HECTD4: variants seen among roughly 807,000 people sequenced by gnomAD.
HECTD4 encodes HECT domain E3 ubiquitin protein ligase 4, also known as probable E3 ubiquitin-protein ligase HECTD4.
A neutral mutation model predicts 471.5 loss-of-function variants in HECTD4; 114 were observed. The observed-to-expected ratio is 0.24, with a 90% CI of 0.21 to 0.28. HECTD4 has a LOEUF of 0.28. HECTD4 is among the 10% of genes least tolerant of loss of function. The pLI is 1.00. For missense variants in HECTD4, 3,866 were observed against 5,651.5 expected, an observed-to-expected ratio of 0.68 and a Z score of 10.13; for synonymous variants, 2,012 against 2,256.0, an observed-to-expected ratio of 0.89 and a Z score of 3.07.
chr12:112,168,538 G>A (rs1002776310), intron 70 of HECTD4, among the ~76,000 whole-genome samples: 1 of 152,212 alleles, frequency 6.6e-6, no homozygotes, highest in Admixed American at 6.5e-5. Context: ...AGGGAGCTCT[G>A]AGCACAGCTG....
intron 7 of HECTD4, among the ~76,000 whole-genome samples, chr12:112,293,389 A>G (rs1323344276): frequency 6.9e-6 from 1 of 145,878 alleles, no homozygotes; most frequent in Non-Finnish European, 1.5e-5. Context: ...AAAAAAAATT[A>G]GCTGGGCATG....
chr12:112,212,200 T>C (rs954315324), intron 49 of HECTD4, among the ~76,000 whole-genome samples: 1 of 152,192 alleles, frequency 6.6e-6, no homozygotes, highest in Non-Finnish European at 1.5e-5. Flanking sequence ...TTTACTGACA[T>C]TTGAAAGAAC....
rs1352869287 is a variant in HECTD4 at position 112,193,445 on chromosome 12, G to A, written c.8955+24C>T. 2 of 1,589,236 alleles carry A rather than the reference G, an allele frequency of 1.3e-6. No individual in the cohort carries two copies. The highest frequency in any genetic ancestry group is 1.1e-5 in the South Asian group (1 of 87,280). On this transcript the variant is annotated intron_variant, in intron 57 of 75. Coordinates refer to ENST00000682272, the MANE Select transcript of HECTD4 (RefSeq NM_001388303.1). The surrounding 1 kb of genome is among the most constrained non-coding windows in gnomAD (Gnocchi z 5.2). ...AGTTAAAAATGGTAACCACACTGCA[G>A]GAACATGAGCTTTAGACTTCTACCT... is the stretch of plus-strand genomic sequence containing the variant.
At chr12:112,283,579 G>A (rs1473556239) in intron 7 of HECTD4, among the ~76,000 whole-genome samples, 2 of 152,294 alleles carry the variant, frequency 1.3e-5, no homozygotes, top group African/African-American at 2.4e-5. Flanking sequence ...CACAGGCAGC[G>A]CTTACTAATT....
At chr12:112,315,732 T>A (rs574429168) in intron 2 of HECTD4, among the ~76,000 whole-genome samples, 3 of 152,138 alleles carry the variant, frequency 2.0e-5, no homozygotes, top group African/African-American at 7.2e-5. Context: ...TTTGTTTTTT[T>A]AAAAGAGACA....
At chr12:112,296,206 TGC>T (rs2035008705) in intron 7 of HECTD4, among the ~76,000 whole-genome samples, 2 of 137,016 alleles carry the variant, frequency 1.5e-5, no homozygotes, top group South Asian at 5.1e-4. Flanking sequence ...TGGATGTAGG[TGC>T]AGACAGTGGT....
At position 112,162,431 on chromosome 12, in the gene HECTD4, G is replaced by C. The variant is rs1195130722; in HGVS notation, c.13213C>G (p.Leu4405Val). The C allele has an allele frequency of 1.2e-6, 2 of 1,614,064 alleles. No homozygotes were observed. The highest frequency in any genetic ancestry group is 1.7e-6 in the Non-Finnish European group (2 of 1,179,898). ...TCACGGTAGTGAATGGCACAACGAA[G>C]TTTCTCCAGCATGATTTCCAGAGAG... ...YSSLEIMLEK[L>V]RCAIHYREDP... The change falls in exon 76 of 76, where the codon CTT becomes GTT. Residue 4405 changes from leucine (L) to valine (V), a missense_variant. Leu to Val is a conservative substitution (Grantham distance 32). Around this residue, in one of 16 missense-constraint regions of HECTD4, gnomAD observed 715 missense variants for 1,087.6 expected, o/e 0.66. Transcript: ENST00000682272. This position sits in a 1 kb window ranked among gnomAD's most constrained non-coding sequence, Gnocchi z 5.2.
At chr12:112,375,914 C>T (rs1007590008) in intron 1 of HECTD4, among the ~76,000 whole-genome samples, 1 of 105,132 alleles carries the variant, frequency 9.5e-6, no homozygotes, top group African/African-American at 3.5e-5. Context: ...ACTAAAAATA[C>T]AAAAAAAAAA....
intron 60 of HECTD4, among the ~76,000 whole-genome samples, 194 bp downstream of exon 60, chr12:112,190,592 T>C (rs563933762): frequency 6.6e-5 from 10 of 152,320 alleles, no homozygotes; most frequent in Admixed American, 1.3e-4. Flanking sequence ...CAGCAAATCA[T>C]GGATTTGGGA....
rs2033594435 is a variant in HECTD4 at position 112,239,750 on chromosome 12, A to G, written c.5105+131T>C. ...ATAGGAACCTTAAGTGTCTTTCAGG[A>G]GAAAAGTTTTGTATAGCTAGCTCTG... On this transcript the variant is annotated intron_variant, in intron 33 of 75. Coordinates refer to ENST00000682272, the MANE Select transcript of HECTD4 (RefSeq NM_001388303.1). The surrounding 1 kb of genome is among the most constrained non-coding windows in gnomAD (Gnocchi z 4.9). 1 of 745,724 alleles carries G rather than the reference A, an allele frequency of 1.3e-6. No homozygotes were observed. Among genetic ancestry groups the G allele is most frequent in the South Asian group, 3.3e-5 (1 of 30,362 alleles). The allele number at this position is 745,724 out of a possible 1,614,324, so 46.2% of individuals were successfully genotyped here.
chr12:112,359,699 G>A (rs890237318), intron 1 of HECTD4, among the ~76,000 whole-genome samples: 1 of 151,918 alleles, frequency 6.6e-6, no homozygotes, highest in Non-Finnish European at 1.5e-5. Context: ...GATTACAGGC[G>A]TGAGCCACCG....
rs773799553 is a variant in HECTD4, at chr12:112,184,969, T to C, written c.9997A>G (p.Thr3333Ala). Residue 3333 changes from threonine to alanine, a missense_variant, in exon 61 of 76, where the codon ACC becomes GCC. Physicochemically the swap from Thr to Ala is moderately conservative, Grantham distance 58. Around this residue, in one of 16 missense-constraint regions of HECTD4, gnomAD observed 57 missense variants for 49.8 expected, o/e 1.14. Transcript: ENST00000682272. This position sits in a 1 kb window ranked among gnomAD's most constrained non-coding sequence, Gnocchi z 9.1. ...SSSGKRQSSR[T>A]VDSDPTVLSI... ...AGCACGGTGGGGTCCGAGTCCACGG[T>C]GCGGGAAGACTGGCGCTTGCCCGAC... The C allele has an allele frequency of 1.9e-6, 3 of 1,613,530 alleles. No individual in the cohort carries two copies. The highest frequency in any genetic ancestry group is 2.2e-5 in the South Asian group (2 of 91,038).
chr12:112,319,296 G>C lies in HECTD4; in HGVS notation c.624C>G (p.Asp208Glu), dbSNP rs1594039893. ...GCTTATGTGGGATGTGTCGGCCTGT[G>C]TCAGAAGTCTCCTCTAGCCAAGAGC... ...LLCSWLEETS[D>E]TGRHIPHKQK... Residue 208 changes from aspartate to glutamate, a missense_variant, in exon 2 of 76, where the codon GAC becomes GAG. Physicochemically the swap from Asp to Glu is conservative, Grantham distance 45. This residue lies in a region of HECTD4 where 440 missense variants were observed against 636.0 expected (regional missense o/e 0.69). Coordinates refer to ENST00000682272, the MANE Select transcript of HECTD4 (RefSeq NM_001388303.1). The surrounding 1 kb of genome is among the most constrained non-coding windows in gnomAD (Gnocchi z 5.3). The C allele has an allele frequency of 2.6e-6, 4 of 1,536,168 alleles. No homozygotes were observed. Among genetic ancestry groups the C allele is most frequent in the Non-Finnish European group, 3.5e-6 (4 of 1,146,906 alleles).
intron 43 of HECTD4, among the ~76,000 whole-genome samples, chr12:112,227,252 G>C (rs1181341276): frequency 6.6e-6 from 1 of 152,162 alleles, no homozygotes; most frequent in East Asian, 1.9e-4. Flanking sequence ...CAGAGGTCAG[G>C]AGTTTCAGAC....
At chr12:112,172,558 A>G (rs548980260) in intron 67 of HECTD4, 113 bp downstream of exon 67, 18 of 1,038,372 alleles carry the variant, frequency 1.7e-5, no homozygotes, top group Middle Eastern at 3.1e-4. Flanking sequence ...GCAGGTGTTC[A>G]TAAGTGTTCG....
Position 112,382,036 on chromosome 12 carries a change from G to C in HECTD4, c.93C>G (p.His31Gln). The C allele has an allele frequency of 8.2e-7, 1 of 1,224,530 alleles. No homozygotes were observed. The highest frequency in any genetic ancestry group is 1.6e-5 in the African/African-American group (1 of 64,078). 75.9% of individuals were successfully genotyped at this position (1,224,530 alleles called of 1,614,324 possible). A position where few individuals can be genotyped will look rare whatever the true frequency, so the allele number is the denominator to read the frequency against. The change falls in exon 1 of 76, where the codon CAC becomes CAG. Residue 31 changes from histidine (H) to glutamine (Q), a missense_variant. By Grantham distance (24) the His-to-Gln change is conservative. Coordinates refer to ENST00000682272, the MANE Select transcript of HECTD4 (RefSeq NM_001388303.1). Reference protein sequence around the residue: ...LSVKEETIFLHDGLIRVTDLA... With the variant: ...LSVKEETIFLQDGLIRVTDLA... ...GGTCGGTGACCCGGATCAGCCCGTC[G>C]TGCAGGAAGATGGTCTCTTCCTTCA...
chr12:112,289,484 A>T (rs557204142), intron 7 of HECTD4, among the ~76,000 whole-genome samples: 1 of 152,172 alleles, frequency 6.6e-6, no homozygotes, highest in East Asian at 1.9e-4. Flanking sequence ...GTACCAAGAG[A>T]TCTATTTGGT....
At position 112,235,855 on chromosome 12, in the gene HECTD4, C is replaced by A; in HGVS notation, c.5445-71G>T. ...CTATAGACATTCAGAAGCAAGAGTTCTCTGAATGAAACAAACCAATGAAAT... is the reference window on the plus strand; with the variant it reads ...CTATAGACATTCAGAAGCAAGAGTTATCTGAATGAAACAAACCAATGAAAT... On this transcript the variant is annotated intron_variant, in intron 35 of 75. Transcript: ENST00000682272. The surrounding 1 kb of genome is among the most constrained non-coding windows in gnomAD (Gnocchi z 5.0). 1 of 1,302,704 alleles carries A rather than the reference C, an allele frequency of 7.7e-7. No homozygotes were observed. The highest frequency in any genetic ancestry group is 1.1e-6 in the Non-Finnish European group (1 of 952,366). 80.7% of individuals were successfully genotyped at this position (1,302,704 alleles called of 1,614,324 possible).
rs1451394116 is a variant in HECTD4, at chr12:112,193,037, T to C, written c.9086+24A>G. ...TTTAGCTTTCCTCTCCCCATCACCA[T>C]CTTCTTGAGAACAGGCAACTTACTC... On this transcript the variant is annotated intron_variant, in intron 58 of 75. Coordinates refer to ENST00000682272, the MANE Select transcript of HECTD4 (RefSeq NM_001388303.1). This position sits in a 1 kb window ranked among gnomAD's most constrained non-coding sequence, Gnocchi z 5.2. The C allele has an allele frequency of 5.0e-6, 8 of 1,613,346 alleles. No individual in the cohort carries two copies. The Admixed American group carries it at 1.3e-4, about 27-fold the overall frequency.
Sources: gnomAD v4.1 joint callset for allele counts (sites outside exome capture counted in the v4.1 genomes callset) on GRCh38, gnomAD v4.1.1 for gene constraint, gnomAD v4.1.1 regional missense constraint, Gnocchi (gnomAD v3.1) non-coding constraint, MANE v1.5 for transcripts, NCBI Gene and HGNC (gene_info 2026-07-23, HGNC 2026-07-21) for gene names.